Variants in PCDH15 observed in about 807,000 individuals in gnomAD.
PCDH15 encodes the protein protocadherin-15.
Under a neutral mutation model 178.5 loss-of-function variants are expected in PCDH15, and 129 were observed. The ratio of observed to expected loss-of-function variants is 0.72; its 90% CI spans 0.63 to 0.84. PCDH15 has a LOEUF of 0.84. Among genes scored for constraint, PCDH15 ranks in the 40% least tolerant of loss-of-function variants. The probability of loss-of-function intolerance (pLI) is 0.00; values close to 1 mark genes in which losing one functional copy is unlikely to be tolerated. For missense variants in PCDH15, 2,230 were observed against 2,099.9 expected (o/e 1.06, Z -1.21); for synonymous variants, 800 against 732.0 (o/e 1.09, Z -1.50).
intron 23 of PCDH15, among the ~76,000 whole-genome samples, chr10:53,942,123 T>C (rs2086119409): frequency 6.6e-6 from 1 of 152,230 alleles, no homozygotes. Context: ...AAGCAGTCTT[T>C]CTCACAGATA....
chr10:54,335,100 C>G (rs954962232), intron 6 of PCDH15, among the ~76,000 whole-genome samples: 1 of 152,126 alleles, frequency 6.6e-6, no homozygotes, highest in Admixed American at 6.5e-5. Flanking sequence ...TGTGTCTCCT[C>G]TAATCTAATT....
At chr10:54,288,352 G>A (rs990735471) in intron 8 of PCDH15, among the ~76,000 whole-genome samples, 3 of 148,208 alleles carry the variant, frequency 2.0e-5, no homozygotes, top group Non-Finnish European at 4.5e-5. Context: ...AGAGAGAGAG[G>A]AGAGAGAAAC....
intron 2 of PCDH15, among the ~76,000 whole-genome samples, chr10:55,459,834 C>T (rs1839634510): frequency 6.6e-6 from 1 of 151,920 alleles, no homozygotes. Context: ...TATTTTGGTG[C>T]ACTGAAGTGG....
chr10:55,224,173 C>T (rs1451852128), intron 1 of PCDH15, among the ~76,000 whole-genome samples: 1 of 152,044 alleles, frequency 6.6e-6, no homozygotes, highest in African/African-American at 2.4e-5. Flanking sequence ...GCACTCCAGC[C>T]TGAGCAACAG....
chr10:55,226,543 G>A lies in PCDH15; in HGVS notation c.-155-59892C>T, dbSNP rs1029045198. On this transcript the variant is annotated intron_variant, in intron 1 of 5. Transcript: ENST00000458638. ...ATTACAGGCACCCACCACCACAGTC[G>A]GCTAATTTTTAGATTTTTAGTAGAC... Among the ~76,000 whole-genome samples, 6 of 151,594 alleles carry A rather than the reference G, an allele frequency of 4.0e-5. No homozygotes were observed. The East Asian group carries it at 5.8e-4, about 15-fold the overall frequency.
chr10:55,313,825 G>A (rs1383472527), intron 1 of PCDH15, among the ~76,000 whole-genome samples: 1 of 152,084 alleles, frequency 6.6e-6, no homozygotes, highest in Non-Finnish European at 1.5e-5. Flanking sequence ...TGAAAAACAT[G>A]TTACATATAT....
chr10:55,484,356 T>C (rs1167141982), intron 2 of PCDH15, among the ~76,000 whole-genome samples: 3 of 151,580 alleles, frequency 2.0e-5, no homozygotes, highest in African/African-American at 7.3e-5. Flanking sequence ...ATCTCTACTA[T>C]TACAAAATCC....
chr10:54,706,891 G>A (rs1159383806), intron 1 of PCDH15, among the ~76,000 whole-genome samples: 1 of 152,040 alleles, frequency 6.6e-6, no homozygotes, highest in African/African-American at 2.4e-5. Context: ...CAAAGTGCTG[G>A]GATTACAGGC....
Position 53,840,438 on chromosome 10 carries a change from T to C in PCDH15, c.3865A>G (p.Ile1289Val), listed in dbSNP as rs1258330774. The C allele has an allele frequency of 4.3e-6, 7 of 1,613,974 alleles. No homozygotes were observed. Among genetic ancestry groups the C allele is most frequent in the Non-Finnish European group, 5.9e-6 (7 of 1,179,964 alleles). ...IPGAKVVVES[I>V]GARRHGDAFS... ...GCATCTCCATGCCGGCGAGCTCCAA[T>C]GGACTCCACTACGACCTTGGCACCA... Residue 1289 changes from isoleucine to valine, a missense_variant, in exon 29 of 38, where the codon ATT (isoleucine) becomes GTT (valine). Transcript: ENST00000644397.
chr10:53,821,767 A>C, intron 32 of PCDH15: 1 of 1,579,080 alleles, frequency 6.3e-7, no homozygotes, highest in Non-Finnish European at 8.5e-7. Flanking sequence ...GGGGTAAAAT[A>C]ATAGAGTCTT....
At position 54,070,634 on chromosome 10, in the gene PCDH15, AG is replaced by A. The variant is rs1193086024; in HGVS notation, c.2092-3750del. Among the ~76,000 whole-genome samples, 4 of 152,212 alleles carry A rather than the reference AG, an allele frequency of 2.6e-5. No individual in the cohort carries two copies. The East Asian group carries it at 7.7e-4, about 29-fold the overall frequency. ...TGAGACATGTCTCATTCTGTTGCCC[AG>A]GCTGGAGTGCAGTATGTGATCATAG... On this transcript the variant is annotated intron_variant, in intron 17 of 37. Transcript: ENST00000644397.
intron 18 of PCDH15, among the ~76,000 whole-genome samples, chr10:54,027,407 C>CA (rs1381804927): frequency 6.6e-6 from 1 of 152,100 alleles, no homozygotes; most frequent in Non-Finnish European, 1.5e-5. Flanking sequence ...ATCAAGCTAC[C>CA]AATGCCTTTC....
At chr10:53,915,316 A>G (rs2083443015) in intron 25 of PCDH15, among the ~76,000 whole-genome samples, 1 of 152,188 alleles carries the variant, frequency 6.6e-6, no homozygotes, top group Admixed American at 6.5e-5. Flanking sequence ...TTTGCTCTGC[A>G]GAGATTATAT....
At chr10:54,386,569 A>G (rs553571054) in intron 3 of PCDH15, among the ~76,000 whole-genome samples, 3 of 152,294 alleles carry the variant, frequency 2.0e-5, no homozygotes, top group South Asian at 2.1e-4. Flanking sequence ...TTCCCACTAT[A>G]AACATTCATT....
At chr10:54,132,769 G>T in intron 15 of PCDH15, 106 bp downstream of exon 15, 1 of 1,511,898 alleles carries the variant, frequency 6.6e-7, no homozygotes, top group Non-Finnish European at 8.9e-7. Context: ...GTGGAGGCAA[G>T]CATGTGAGGT....
chr10:54,353,890 G>A (rs1310017606), intron 5 of PCDH15, among the ~76,000 whole-genome samples: 2 of 152,244 alleles, frequency 1.3e-5, no homozygotes, highest in Admixed American at 1.3e-4. Context: ...AATTATTACT[G>A]TTACAGAGAA....
intron 25 of PCDH15, among the ~76,000 whole-genome samples, chr10:53,932,751 G>A (rs901381927): frequency 2.0e-5 from 3 of 152,134 alleles, no homozygotes; most frequent in African/African-American, 7.2e-5. Context: ...GAACATGATG[G>A]TTTTGGTCTA....
At chr10:55,434,628 C>A (rs11004858) in intron 2 of PCDH15, among the ~76,000 whole-genome samples, 4,725 of 146,212 alleles carry the variant, frequency 0.032, 112 homozygotes, top group Middle Eastern at 0.11. Flanking sequence ...TTTTTTGAGA[C>A]AGAGTCTTGC....
intron 9 of PCDH15, among the ~76,000 whole-genome samples, chr10:54,224,744 T>C (rs139315648): frequency 0.022 from 3,324 of 152,186 alleles, 51 homozygotes; most frequent in South Asian, 0.076. Flanking sequence ...TTTCTCATTA[T>C]TTTCTTCCAT....
Sources: gnomAD v4.1 joint callset for allele counts (sites outside exome capture counted in the v4.1 genomes callset) on GRCh38, gnomAD v4.1.1 for gene constraint, MANE v1.5 for transcripts, NCBI Gene and HGNC (gene_info 2026-07-23, HGNC 2026-07-21) for gene names.